PRP4K: variants seen among roughly 807,000 people sequenced by gnomAD.
The protein encoded by PRP4K is serine/threonine-protein kinase PRP4 homolog.
the PRP4K span, chr6:4,062,697 A>G: frequency 5.9e-5 from 9 of 152,702 alleles, no homozygotes; most frequent in Middle Eastern, 3.4e-3. The surrounding 1 kb of genome is among the most constrained non-coding windows in gnomAD (Gnocchi z 4.2). Flanking sequence ...AGATGATATA[A>G]TAAGCCACCT....
chr6:4,032,630 G>A, the PRP4K span: 1 of 1,613,960 alleles, frequency 6.2e-7, no homozygotes, highest in South Asian at 1.1e-5. Context: ...CTCCACTTTT[G>A]AATGATAGAA....
At chr6:4,026,796 A>G in the PRP4K span, among the ~76,000 whole-genome samples, 8 of 152,202 alleles carry the variant, frequency 5.3e-5, 1 homozygote, top group Admixed American at 4.6e-4. Context: ...GAAAAATGTT[A>G]AGCACAGAAG....
chr6:4,058,565 T>G, the PRP4K span, among the ~76,000 whole-genome samples: 12 of 152,234 alleles, frequency 7.9e-5, no homozygotes, highest in Non-Finnish European at 1.3e-4. Context: ...GGTATTTGCT[T>G]TTGCAAAGAT....
At chr6:4,049,354 A>G in the PRP4K span, 6 of 466,132 alleles carry the variant, frequency 1.3e-5, no homozygotes, top group Non-Finnish European at 2.2e-5. Context: ...ATTTTCAGCC[A>G]TGAGATAGTC....
the PRP4K span, among the ~76,000 whole-genome samples, chr6:4,027,600 TGGG>T: frequency 3.2e-4 from 8 of 25,206 alleles, 1 homozygote; most frequent in African/African-American, 6.0e-4. Context: ...GGCGGAGGGG[TGGG>T]GGGGTGGGGT....
the PRP4K span, among the ~76,000 whole-genome samples, chr6:4,052,264 G>A: frequency 2.0e-5 from 3 of 151,916 alleles, no homozygotes; most frequent in African/African-American, 7.3e-5. Context: ...TGTTGTTGTT[G>A]TTGTTGTTGT....
At chr6:4,049,892 GA>G in the PRP4K span, 1 of 1,613,506 alleles carries the variant, frequency 6.2e-7, no homozygotes, top group Non-Finnish European at 8.5e-7. Context: ...AAGTTCAGAA[GA>G]CGTGAGGAAA....
At chr6:4,022,450 AC>A in the PRP4K span, among the ~76,000 whole-genome samples, 1 of 77,222 alleles carries the variant, frequency 1.3e-5, no homozygotes, top group African/African-American at 5.4e-5. Context: ...TCCTATAGCG[AC>A]CGTTTTTTTT....
chr6:4,058,920 T>C, the PRP4K span: 1 of 859,394 alleles, frequency 1.2e-6, no homozygotes, highest in Non-Finnish European at 1.8e-6. Context: ...AAAGTAAGTA[T>C]TTCCTTTTTG....
At chr6:4,028,253 G>A in the PRP4K span, among the ~76,000 whole-genome samples, 1 of 152,046 alleles carries the variant, frequency 6.6e-6, no homozygotes, top group South Asian at 2.1e-4. Context: ...TGCAGTGCAT[G>A]ATCATGACTC....
At chr6:4,048,803 TG>T in the PRP4K span, among the ~76,000 whole-genome samples, 7,279 of 149,428 alleles carry the variant, frequency 0.049, 586 homozygotes, top group African/African-American at 0.17. Context: ...GAGGGGTTTT[TG>T]TTTTTTTTTT....
At chr6:4,043,743 T>C in the PRP4K span, 1 of 1,441,982 alleles carries the variant, frequency 6.9e-7, no homozygotes, top group Admixed American at 1.8e-5. Context: ...CTGCAGCAAC[T>C]CTTAGCCATG....
At chr6:4,027,757 A>G in the PRP4K span, among the ~76,000 whole-genome samples, 1 of 152,130 alleles carries the variant, frequency 6.6e-6, no homozygotes, top group African/African-American at 2.4e-5. Flanking sequence ...AGACCACACA[A>G]CTAGTAAGTA....
chr6:4,024,968 G>A, the PRP4K span, among the ~76,000 whole-genome samples: 1 of 152,070 alleles, frequency 6.6e-6, no homozygotes, highest in African/African-American at 2.4e-5. Context: ...CTCAAGACAT[G>A]GGTTTTTTAA....
the PRP4K span, among the ~76,000 whole-genome samples, chr6:4,027,001 G>T: frequency 6.6e-6 from 1 of 152,204 alleles, no homozygotes; most frequent in Non-Finnish European, 1.5e-5. Flanking sequence ...CAAGGAACAT[G>T]GTGTGGCTGG....
At chr6:4,036,288 C>G in the PRP4K span, among the ~76,000 whole-genome samples, 1 of 152,092 alleles carries the variant, frequency 6.6e-6, no homozygotes. Context: ...GTGGCATGAT[C>G]TCTGCTCACT....
the PRP4K span, among the ~76,000 whole-genome samples, chr6:4,051,590 T>A: frequency 6.6e-6 from 1 of 152,202 alleles, no homozygotes; most frequent in Non-Finnish European, 1.5e-5. Context: ...ATTCTGGGAT[T>A]ACAGGCATGA....
chr6:4,044,669 C>G, the PRP4K span, among the ~76,000 whole-genome samples: 2 of 151,950 alleles, frequency 1.3e-5, no homozygotes, highest in East Asian at 3.9e-4. Context: ...CCTTTTGCCC[C>G]AGCCCTTTAG....
At chr6:4,024,240 G>A in the PRP4K span, among the ~76,000 whole-genome samples, 1 of 151,840 alleles carries the variant, frequency 6.6e-6, no homozygotes, top group East Asian at 1.9e-4. Context: ...TGAACTACTG[G>A]GCTCAAGTGC....
Sources: gnomAD v4.1 joint callset for allele counts (sites outside exome capture counted in the v4.1 genomes callset) on GRCh38, gnomAD v4.1.1 for gene constraint, Gnocchi (gnomAD v3.1) non-coding constraint, MANE v1.5 for transcripts, NCBI Gene and HGNC (gene_info 2026-07-23, HGNC 2026-07-21) for gene names.